The following TRAPPC8 variants were observed in gnomAD, a reference collection of about 807,000 sequenced individuals.
TRAPPC8 encodes the protein general sporulation gene 1 homolog.
A neutral mutation model predicts 174.3 loss-of-function variants in TRAPPC8; 54 were observed. The observed-to-expected ratio is 0.31, with a 90% CI of 0.25 to 0.39. The LOEUF is 0.39. TRAPPC8 is among the 10% of genes least tolerant of loss of function. TRAPPC8 has a pLI of 1.00. For synonymous variants in TRAPPC8, 630 were observed against 579.9 expected (o/e 1.09, Z -1.24); for missense variants, 1,531 against 1,699.1 (o/e 0.90, Z 1.74).
chr18:31,942,241 A>G (rs1404258373), intron 1 of TRAPPC8, among the ~76,000 whole-genome samples: 1 of 152,216 alleles, frequency 6.6e-6, no homozygotes, highest in Non-Finnish European at 1.5e-5. Flanking sequence ...TGTCGGTCTA[A>G]GAGGCAGCAT....
At chr18:31,884,048 G>A (rs561560899) in intron 12 of TRAPPC8, among the ~76,000 whole-genome samples, 124 of 152,246 alleles carry the variant, frequency 8.1e-4, no homozygotes, top group South Asian at 4.6e-3. Flanking sequence ...AATTAGCTGG[G>A]CTTGGTGGCA....
chr18:31,908,498 G>A (rs1462199854), intron 7 of TRAPPC8, 80 bp from the exon 8 acceptor site: 36 of 989,910 alleles, frequency 3.6e-5, no homozygotes, highest in African/African-American at 8.4e-5. Flanking sequence ...TAACTAAAAA[G>A]CTTTAATAGC....
chr18:31,913,834 G>A (rs913342079), intron 4 of TRAPPC8, among the ~76,000 whole-genome samples: 1 of 152,088 alleles, frequency 6.6e-6, no homozygotes, highest in South Asian at 2.1e-4. Flanking sequence ...CAAAGAGAGA[G>A]CTCTGGTGGT....
At chr18:31,940,890 A>T (rs1455449451) in intron 1 of TRAPPC8, among the ~76,000 whole-genome samples, 1 of 152,224 alleles carries the variant, frequency 6.6e-6, no homozygotes, top group African/African-American at 2.4e-5. Context: ...TACTGTCAGG[A>T]GATAAGATGA....
At chr18:31,924,062 T>A (rs557085409) in intron 2 of TRAPPC8, among the ~76,000 whole-genome samples, 1 of 152,146 alleles carries the variant, frequency 6.6e-6, no homozygotes, top group South Asian at 2.1e-4. Flanking sequence ...GGTGGGTGGA[T>A]CACCTGATGT....
intron 12 of TRAPPC8, among the ~76,000 whole-genome samples, chr18:31,876,388 G>T (rs1186355334): frequency 1.3e-5 from 2 of 150,108 alleles, no homozygotes; most frequent in South Asian, 2.1e-4. Flanking sequence ...TACTCAGGAG[G>T]CTGAGGCAAG....
chr18:31,923,387 ATG>A (rs2037471157), intron 2 of TRAPPC8, among the ~76,000 whole-genome samples: 2 of 152,172 alleles, frequency 1.3e-5, no homozygotes, highest in African/African-American at 2.4e-5. Context: ...AACTCCATCA[ATG>A]TGTCTTTCCA....
At chr18:31,874,745 T>C (rs779344142) in intron 12 of TRAPPC8, 41 bp from the exon 13 acceptor site, 1 of 1,550,418 alleles carries the variant, frequency 6.4e-7, no homozygotes, top group Non-Finnish European at 8.7e-7. Context: ...TACTCCAAAT[T>C]TGTTTGAACT....
At chr18:31,897,996 G>T (rs997958432) in intron 10 of TRAPPC8, 105 bp from the exon 11 acceptor site, 28 of 989,382 alleles carry the variant, frequency 2.8e-5, no homozygotes, top group Non-Finnish European at 3.6e-5. Flanking sequence ...GAGGATAGTT[G>T]CAGGGAGATG....
intron 27 of TRAPPC8, among the ~76,000 whole-genome samples, chr18:31,836,621 A>G (rs1488446230): frequency 6.6e-6 from 1 of 152,188 alleles, no homozygotes; most frequent in Non-Finnish European, 1.5e-5. Flanking sequence ...AGGATAAAAC[A>G]CAAACATTTT....
At chr18:31,866,698 T>C (rs150450289) in intron 18 of TRAPPC8, 151 bp downstream of exon 18, 1 of 744,712 alleles carries the variant, frequency 1.3e-6, no homozygotes, top group East Asian at 3.5e-5. Flanking sequence ...GAAGTTAAAA[T>C]AATCTAAATT....
rs1455423595 is a variant in TRAPPC8 at position 31,931,309 on chromosome 18, C to A, written c.352+20G>T. On this transcript the variant is annotated intron_variant, in intron 2 of 28. Coordinates refer to ENST00000283351, the MANE Select transcript of TRAPPC8 (RefSeq NM_014939.5). ...AAACGAAATTTCACTCAAAAAATAA[C>A]AATAAACCTTGTTACATACCACTGA... 2.7e-6 allele frequency: 4 copies of A among 1,488,464 alleles called. No homozygotes were observed. Among genetic ancestry groups the A allele is most frequent in the Non-Finnish European group, 2.7e-6 (3 of 1,116,026 alleles). 92.2% of individuals were successfully genotyped at this position (1,488,464 alleles called of 1,614,324 possible).
At chr18:31,833,013 C>T (rs113931662) in intron 27 of TRAPPC8, among the ~76,000 whole-genome samples, 182 of 152,282 alleles carry the variant, frequency 1.2e-3, no homozygotes, top group Non-Finnish European at 2.1e-3. Flanking sequence ...TTAAACAATA[C>T]CGCAAACGTC....
chr18:31,875,159 T>C (rs1326135332), intron 12 of TRAPPC8, among the ~76,000 whole-genome samples: 1 of 152,140 alleles, frequency 6.6e-6, no homozygotes, highest in African/African-American at 2.4e-5. Flanking sequence ...AATGTTCTCA[T>C]ACTTTAACTA....
intron 24 of TRAPPC8, among the ~76,000 whole-genome samples, chr18:31,851,713 A>C (rs1009801759): frequency 6.6e-6 from 1 of 152,094 alleles, no homozygotes; most frequent in African/African-American, 2.4e-5. Flanking sequence ...AGAGAGTAAT[A>C]GCTTTAAAAT....
At chr18:31,917,425 T>C (rs2145545801) in intron 3 of TRAPPC8, among the ~76,000 whole-genome samples, 153 bp downstream of exon 3, 2 of 151,586 alleles carry the variant, frequency 1.3e-5, no homozygotes, top group Middle Eastern at 6.8e-3. Flanking sequence ...GGAGGCCATT[T>C]AACAAAATAA....
chr18:31,841,170 G>A (rs1054409000), intron 26 of TRAPPC8, among the ~76,000 whole-genome samples: 3 of 152,070 alleles, frequency 2.0e-5, no homozygotes, highest in Admixed American at 2.0e-4. Flanking sequence ...ATTTGCATAA[G>A]CATGGAACAT....
intron 2 of TRAPPC8, among the ~76,000 whole-genome samples, chr18:31,922,201 A>G (rs1248001023): frequency 6.6e-6 from 1 of 152,252 alleles, no homozygotes; most frequent in Non-Finnish European, 1.5e-5. Flanking sequence ...GTGAATGTAC[A>G]CATAATTAAA....
chr18:31,846,170 G>C (rs1004795332), intron 26 of TRAPPC8, among the ~76,000 whole-genome samples: 2 of 152,208 alleles, frequency 1.3e-5, no homozygotes, highest in African/African-American at 4.8e-5. Context: ...AACCATAACT[G>C]CATCTTAATA....
Sources: allele counts gnomAD v4.1 joint callset (sites outside exome capture counted in the v4.1 genomes callset), GRCh38; gene constraint gnomAD v4.1.1; transcripts MANE v1.5; gene names NCBI Gene and HGNC (gene_info 2026-07-23, HGNC 2026-07-21).